DPP6: variants seen among roughly 807,000 people sequenced by gnomAD.
The protein encoded by DPP6 is A-type potassium channel modulatory protein DPP6.
In DPP6, 69 loss-of-function variants were observed where a neutral mutation model predicts 122.6. The observed-to-expected ratio is 0.56, with a 90% CI of 0.46 to 0.69. The LOEUF (loss-of-function observed/expected upper bound fraction) is 0.69, where lower values mean the gene tolerates loss of function less well. DPP6 is among the 30% of genes least tolerant of loss of function. DPP6 has a pLI of 0.00. For synonymous variants in DPP6, 418 were observed against 433.1 expected, an observed-to-expected ratio of 0.97 and a Z score of 0.43; for missense variants, 928 against 1,116.9, an observed-to-expected ratio of 0.83 and a Z score of 2.41.
rs80025584 is a variant in DPP6, at chr7:154,681,756, C to T, written c.762+12315C>T. The stretch of plus-strand genomic sequence containing the variant: ...ATTGGAAAATATCAAAGTAAAGGTT[C>T]CATCTCCTGGTCTTTGTAGAATAAC... On this transcript the variant is annotated intron_variant, in intron 7 of 25. Coordinates refer to ENST00000377770, the MANE Select transcript of DPP6 (RefSeq NM_130797.4). Among the ~76,000 whole-genome samples the T allele has an allele frequency of 4.9e-3, 743 of 152,280 alleles. 8 individuals carry two copies. The highest frequency in any genetic ancestry group is 0.017 in the African/African-American group (713 of 41,544).
At chr7:154,389,253 C>T (rs1243132348) in intron 1 of DPP6, among the ~76,000 whole-genome samples, 1 of 152,314 alleles carries the variant, frequency 6.6e-6, no homozygotes, top group Non-Finnish European at 1.5e-5. Context: ...GTCGGCCACT[C>T]TCCTGTGTGG....
chr7:153,998,712 C>T (rs976471093), intron 1 of DPP6, among the ~76,000 whole-genome samples: 25 of 152,204 alleles, frequency 1.6e-4, no homozygotes, highest in Non-Finnish European at 2.5e-4. Flanking sequence ...GACATCTACC[C>T]ACTGCCCTTT....
chr7:154,749,512 A>T (rs1364341355), intron 8 of DPP6, among the ~76,000 whole-genome samples: 161 of 125,628 alleles, frequency 1.3e-3, no homozygotes, highest in Middle Eastern at 0.012. Flanking sequence ...GGCTTTACTG[A>T]GAGAGGGTGA....
intron 1 of DPP6, among the ~76,000 whole-genome samples, chr7:154,023,361 CTT>C (rs1798810423): frequency 4.0e-5 from 6 of 151,192 alleles, no homozygotes; most frequent in Non-Finnish European, 8.9e-5. Flanking sequence ...CACACACACA[CTT>C]CTTAAGTCTG....
At chr7:154,126,325 C>A (rs570717817) in intron 1 of DPP6, among the ~76,000 whole-genome samples, 143 of 152,092 alleles carry the variant, frequency 9.4e-4, no homozygotes, top group African/African-American at 3.3e-3. Context: ...GTAGGGTGAC[C>A]ATATAATTTT....
chr7:154,450,712 G>T (rs895870164), intron 2 of DPP6, among the ~76,000 whole-genome samples: 1 of 152,140 alleles, frequency 6.6e-6, no homozygotes, highest in African/African-American at 2.4e-5. Context: ...AGATGACCAG[G>T]GTTTAGAGGG....
intron 7 of DPP6, among the ~76,000 whole-genome samples, chr7:154,704,111 G>A (rs56193058): frequency 0.016 from 2,400 of 152,294 alleles, 32 homozygotes; most frequent in Non-Finnish European, 0.026. Flanking sequence ...ACATTACCAG[G>A]AGTTTAAATG....
At chr7:153,800,107 G>A in the DPP6 span, among the ~76,000 whole-genome samples, 1 of 152,162 alleles carries the variant, frequency 6.6e-6, no homozygotes, top group South Asian at 2.1e-4. Flanking sequence ...GTATGTCAAA[G>A]AGATATCTGC....
At chr7:154,575,380 T>A (rs1831535254) in intron 5 of DPP6, among the ~76,000 whole-genome samples, 1 of 102,670 alleles carries the variant, frequency 9.7e-6, no homozygotes, top group Non-Finnish European at 1.9e-5. Flanking sequence ...TGTGTATGTG[T>A]GTGATGTGTG....
At chr7:154,202,595 T>A (rs1237445494) in intron 1 of DPP6, among the ~76,000 whole-genome samples, 1 of 152,178 alleles carries the variant, frequency 6.6e-6, no homozygotes, top group African/African-American at 2.4e-5. Context: ...AGCAGCTTCC[T>A]TCAGGGCTCA....
the DPP6 span, among the ~76,000 whole-genome samples, chr7:153,819,077 C>CTT: frequency 0.32 from 32,096 of 99,812 alleles, 5,098 homozygotes; most frequent in Admixed American, 0.43. Flanking sequence ...CTTTTCTTTT[C>CTT]TTTTTTTTTT....
chr7:154,691,464 G>A (rs1354815534), intron 7 of DPP6, among the ~76,000 whole-genome samples: 1 of 152,136 alleles, frequency 6.6e-6, no homozygotes, highest in Non-Finnish European at 1.5e-5. Context: ...ATTTATAGTA[G>A]TAATACAAAA....
chr7:154,115,122 G>A (rs1806885983), intron 1 of DPP6, among the ~76,000 whole-genome samples: 2 of 152,184 alleles, frequency 1.3e-5, no homozygotes, highest in Admixed American at 1.3e-4. Flanking sequence ...GCCCACTGAG[G>A]GCAGGTTCCT....
At chr7:154,536,817 A>T (rs768708630) in intron 3 of DPP6, among the ~76,000 whole-genome samples, 5 of 152,206 alleles carry the variant, frequency 3.3e-5, no homozygotes, top group Non-Finnish European at 7.3e-5. Context: ...TATTGATCAC[A>T]TCACATCTTA....
intron 1 of DPP6, among the ~76,000 whole-genome samples, chr7:153,906,298 C>T (rs1449766002): frequency 6.6e-6 from 1 of 152,138 alleles, no homozygotes; most frequent in Non-Finnish European, 1.5e-5. Context: ...GCTCATCGCT[C>T]ATAGACTGTA....
At chr7:154,692,916 C>A (rs1840014539) in intron 7 of DPP6, among the ~76,000 whole-genome samples, 1 of 151,896 alleles carries the variant, frequency 6.6e-6, no homozygotes, top group African/African-American at 2.4e-5. Context: ...CTCAGCCTCC[C>A]TAGTCACTGG....
chr7:154,555,522 C>T (rs576929612), intron 4 of DPP6, among the ~76,000 whole-genome samples: 54 of 151,908 alleles, frequency 3.6e-4, no homozygotes, highest in Non-Finnish European at 4.1e-4. Context: ...TGCTAAATGA[C>T]GAGTTAATGG....
intron 1 of DPP6, among the ~76,000 whole-genome samples, chr7:154,429,600 G>A (rs1301839272): frequency 2.6e-5 from 4 of 152,322 alleles, no homozygotes; most frequent in African/African-American, 7.2e-5. Flanking sequence ...GCTTACAGCT[G>A]TGTGACAACA....
At chr7:154,572,505 C>CTTTTTTTTT (rs1831176167) in intron 5 of DPP6, among the ~76,000 whole-genome samples, 1 of 84,248 alleles carries the variant, frequency 1.2e-5, no homozygotes, top group Non-Finnish European at 2.5e-5. Context: ...CTTTTTTTTT[C>CTTTTTTTTT]TTTTCTTTTT....
Sources: allele counts gnomAD v4.1 joint callset (sites outside exome capture counted in the v4.1 genomes callset), GRCh38; gene constraint gnomAD v4.1.1; transcripts MANE v1.5; gene names NCBI Gene and HGNC (gene_info 2026-07-23, HGNC 2026-07-21).